NOL11: variants seen among roughly 807,000 people sequenced by gnomAD.
NOL11 encodes nucleolar protein 11.
NOL11 carries 42 observed loss-of-function variants against 93.0 expected under a neutral mutation model. That is an observed-to-expected ratio of 0.45 (90% confidence interval 0.35 to 0.58). The LOEUF (loss-of-function observed/expected upper bound fraction) is 0.58. NOL11 is among the 20% of genes least tolerant of loss of function. The pLI is 0.00. For synonymous variants in NOL11, 296 were observed against 293.7 expected, an observed-to-expected ratio of 1.01 and a Z score of -0.08; for missense variants, 775 against 841.8, an observed-to-expected ratio of 0.92 and a Z score of 0.98.
chr17:67,739,971 C>G (rs1567805962), intron 16 of NOL11, among the ~76,000 whole-genome samples: 3 of 152,156 alleles, frequency 2.0e-5, no homozygotes, highest in African/African-American at 7.2e-5. Flanking sequence ...CATGGTGACT[C>G]ACGCCTGTAA....
At chr17:67,730,423 G>T (rs2055143041) in intron 7 of NOL11, among the ~76,000 whole-genome samples, 1 of 152,002 alleles carries the variant, frequency 6.6e-6, no homozygotes, top group African/African-American at 2.4e-5. Context: ...ACCACACCCG[G>T]CTAATTTTTT....
chr17:67,726,706 T>G, intron 7 of NOL11, 58 bp downstream of exon 7: 1 of 1,255,194 alleles, frequency 8.0e-7, no homozygotes, highest in Non-Finnish European at 1.1e-6. Context: ...CGGTGTACCT[T>G]TTAGTCTTCC....
intron 7 of NOL11, among the ~76,000 whole-genome samples, chr17:67,732,231 C>G (rs1174807325): frequency 6.6e-6 from 1 of 152,066 alleles, no homozygotes. Context: ...CCTATAATCC[C>G]AGCACTTTGG....
At chr17:67,732,110 T>C (rs555122375) in intron 7 of NOL11, among the ~76,000 whole-genome samples, 1 of 147,208 alleles carries the variant, frequency 6.8e-6, no homozygotes, top group Non-Finnish European at 1.5e-5. Context: ...ACAGGATATC[T>C]CTATTTATTT....
chr17:67,729,825 C>G (rs979599727), intron 7 of NOL11, among the ~76,000 whole-genome samples: 10 of 152,084 alleles, frequency 6.6e-5, no homozygotes, highest in Non-Finnish European at 1.2e-4. Flanking sequence ...ATGATCCGCC[C>G]ACCTCGGCCT....
intron 7 of NOL11, 66 bp from the exon 8 acceptor site, chr17:67,734,297 C>G (rs2055181190): frequency 3.5e-6 from 3 of 868,102 alleles, no homozygotes; most frequent in Non-Finnish European, 5.7e-6. Flanking sequence ...TGTAACTCCC[C>G]CCTTCCCCAA....
At chr17:67,718,636 G>A (rs1249226124) in intron 1 of NOL11, among the ~76,000 whole-genome samples, 1 of 152,184 alleles carries the variant, frequency 6.6e-6, no homozygotes, top group Admixed American at 6.5e-5. Flanking sequence ...CTGGAGTTGA[G>A]TCCTGGGAAA....
intron 14 of NOL11, 40 bp from the exon 15 acceptor site, chr17:67,738,892 G>T (rs1599048179): frequency 7.9e-7 from 1 of 1,259,088 alleles, no homozygotes. Flanking sequence ...CAATAGAATA[G>T]CTTCTATTTG....
Position 67,721,459 on chromosome 17 carries a change from T to A in NOL11, c.394T>A (p.Leu132Ile). Reference sequence around the variant, plus strand: ...CTTCAAGGAAGGTGCTGTTCGTGGTTTAGAGGCCTTGCTTGCAGACCCCCA... The same window carrying A: ...CTTCAAGGAAGGTGCTGTTCGTGGTATAGAGGCCTTGCTTGCAGACCCCCA... The part of the protein sequence containing the change: ...VLFKEGAVRG[L>I]EALLADPQQK... The change falls in exon 4 of 18, where the codon TTA becomes ATA. Residue 132 changes from leucine to isoleucine, a missense_variant. Leu to Ile is a conservative substitution (Grantham distance 5). Around this residue, in one of 2 missense-constraint regions of NOL11, gnomAD observed 359 missense variants for 316.5 expected, o/e 1.13. Transcript: ENST00000253247. 17 of 1,614,008 alleles carry A rather than the reference T, an allele frequency of 1.1e-5. No homozygotes were observed. The highest frequency in any genetic ancestry group is 1.4e-5 in the Non-Finnish European group (17 of 1,179,882).
chr17:67,723,809 G>A (rs1275273511), intron 5 of NOL11, among the ~76,000 whole-genome samples: 1 of 152,052 alleles, frequency 6.6e-6, no homozygotes, highest in East Asian at 1.9e-4. Context: ...GGGAGGCCGA[G>A]GTGGGAGGAT....
At chr17:67,723,005 C>CTTTTT (rs61233443) in intron 5 of NOL11, among the ~76,000 whole-genome samples, 1 of 124,596 alleles carries the variant, frequency 8.0e-6, no homozygotes, top group Non-Finnish European at 1.7e-5. Flanking sequence ...AATTTCAAAA[C>CTTTTT]TTTTTTTTTT....
At position 67,731,251 on chromosome 17, in the gene NOL11, G is replaced by GTTT. The variant is rs1172300412; in HGVS notation, c.854-3084_854-3082dup. 2.4e-4 allele frequency among the ~76,000 whole-genome samples: 3 copies of GTTT among 12,688 alleles called. 1 individual carries two copies. The highest frequency in any genetic ancestry group is 7.8e-4 in the African/African-American group (3 of 3,838). 8.3% of individuals were successfully genotyped at this position (12,688 alleles called of 152,430 possible). A position where few individuals can be genotyped will look rare whatever the true frequency, so the allele number is the denominator to read the frequency against. ...GGATAATGTCCCTTCGTGCACAAAAGTTTTTTTTTTTTTTTTTTTTTTTTT... is the reference window on the plus strand; with the variant it reads ...GGATAATGTCCCTTCGTGCACAAAAGTTTTTTTTTTTTTTTTTTTTTTTTTTTT... On this transcript the variant is annotated intron_variant, in intron 7 of 17. Transcript: ENST00000253247.
intron 16 of NOL11, chr17:67,740,884 A>G (rs1001061069): frequency 3.7e-5 from 5 of 134,230 alleles, no homozygotes; most frequent in Middle Eastern, 5.3e-4. Context: ...GCTATTCTTC[A>G]TATAAAAAAT....
At chr17:67,718,213 T>C in intron 1 of NOL11, 125 bp downstream of exon 1, 1 of 1,293,822 alleles carries the variant, frequency 7.7e-7, no homozygotes, top group South Asian at 1.5e-5. Context: ...GAGAGCCGGC[T>C]GGGCCTGTTG....
chr17:67,744,101 G>A lies in NOL11; in HGVS notation c.*242G>A, dbSNP rs972717003. 2.6e-5 allele frequency: 6 copies of A among 226,578 alleles called. No individual in the cohort carries two copies. Among genetic ancestry groups the A allele is most frequent in the Non-Finnish European group, 5.1e-5 (6 of 117,756 alleles). The allele number at this position is 226,578 out of a possible 1,614,324, so 14.0% of individuals were successfully genotyped here. ...GCAATTTTTTAAAAATATGTAACTG[G>A]GTTGATTTTAAGTAAAATTATTTGT... On this transcript the variant is annotated 3_prime_UTR_variant, in exon 18 of 18. Transcript: ENST00000253247.
chr17:67,719,953 T>G lies in NOL11; in HGVS notation c.303T>G (p.Phe101Leu). 1 of 1,565,194 alleles carries G rather than the reference T, an allele frequency of 6.4e-7. No individual in the cohort carries two copies. Among genetic ancestry groups the G allele is most frequent in the South Asian group, 1.2e-5 (1 of 84,716 alleles). ...NNEDVNLDKV[F>L]KATLSAEVYR... ...AAGATGTAAACCTGGATAAAGTATT[T>G]AAAGCTACAGTAAGTCTTTGAATTT... Residue 101 changes from phenylalanine (F) to leucine (L), a missense_variant, in exon 3 of 18, where the codon TTT (phenylalanine) becomes TTG (leucine). This residue lies in a region of NOL11 where 359 missense variants were observed against 316.5 expected (regional missense o/e 1.13). Transcript: ENST00000253247.
Position 67,734,145 on chromosome 17 carries a change from C to G in NOL11, c.854-218C>G, listed in dbSNP as rs116402813. Among the ~76,000 whole-genome samples, 291 of 152,152 alleles carry G rather than the reference C, an allele frequency of 1.9e-3. 3 individuals are homozygous for G. In the South Asian group the frequency reaches 0.02, roughly 11 times the overall value. On this transcript the variant is annotated intron_variant, in intron 7 of 17. Coordinates refer to ENST00000253247, the MANE Select transcript of NOL11 (RefSeq NM_015462.5). ...TTGTTGGGTGTTTTTAATTGTTATT[C>G]CTGGTTCATAAAGCCCTCCCTTCCT... is the stretch of plus-strand genomic sequence containing the variant.
chr17:67,730,285 G>A (rs2055141199), intron 7 of NOL11, among the ~76,000 whole-genome samples: 1 of 152,020 alleles, frequency 6.6e-6, no homozygotes, highest in Non-Finnish European at 1.5e-5. Flanking sequence ...TGAGACAAGA[G>A]TCTCGCTCTG....
At chr17:67,723,856 AG>A (rs1297661521) in intron 5 of NOL11, among the ~76,000 whole-genome samples, 192 bp from the exon 6 acceptor site, 1 of 152,060 alleles carries the variant, frequency 6.6e-6, no homozygotes. Context: ...CAATGAGCTG[AG>A]ATCACACCAC....
Sources: allele counts gnomAD v4.1 joint callset (sites outside exome capture counted in the v4.1 genomes callset), GRCh38; gene constraint gnomAD v4.1.1; regional missense constraint gnomAD v4.1.1; transcripts MANE v1.5; gene names NCBI Gene and HGNC (gene_info 2026-07-23, HGNC 2026-07-21).